C1orf94: variants seen among roughly 807,000 people sequenced by gnomAD.
C1orf94 encodes the protein uncharacterized protein C1orf94.
Under a neutral mutation model 53.6 loss-of-function variants are expected in C1orf94, and 45 were observed. That is an observed-to-expected ratio of 0.84 (90% CI 0.66 to 1.08). The LOEUF is 1.08. Among genes scored for constraint, C1orf94 ranks in the 50% least tolerant of loss-of-function variants. The pLI, the probability that C1orf94 is intolerant of heterozygous loss-of-function variation, is 0.00. For synonymous variants in C1orf94, 304 were observed against 296.1 expected (o/e 1.03, Z -0.27); for missense variants, 762 against 738.9 (o/e 1.03, Z -0.36).
In C1orf94 at chr1:34,203,197, G is replaced by A. The variant is rs1438173873; in HGVS notation, c.1446+938G>A. 2.0e-5 allele frequency among the ~76,000 whole-genome samples: 3 copies of A among 152,164 alleles called. No individual in the cohort carries two copies. In the East Asian group the frequency reaches 5.8e-4, roughly 29 times the overall value. Reference sequence around the variant, plus strand: ...CTATCGCCCAGGCTGGAGTGCAGTGGCATGACCTTGGCTCACTGCAACCTC... The same window carrying A: ...CTATCGCCCAGGCTGGAGTGCAGTGACATGACCTTGGCTCACTGCAACCTC... On this transcript the variant is annotated intron_variant, in intron 4 of 6. Coordinates refer to ENST00000488417, the MANE Select transcript of C1orf94 (RefSeq NM_001134734.2).
chr1:34,178,013 G>A lies in C1orf94; in HGVS notation c.224G>A (p.Gly75Asp). The A allele has an allele frequency of 6.4e-7, 1 of 1,551,716 alleles. No individual in the cohort carries two copies. The highest frequency in any genetic ancestry group is 8.7e-7 in the Non-Finnish European group (1 of 1,147,000). Residue 75 changes from glycine (G) to aspartate (D), a missense_variant, in exon 1 of 7, where the codon GGC becomes GAC. Physicochemically the swap from Gly to Asp is moderately conservative, Grantham distance 94. Coordinates refer to ENST00000488417, the MANE Select transcript of C1orf94 (RefSeq NM_001134734.2). ...CATGAAATCTGGAAGAGAGTTCAAG[G>A]CCTGCCTGAGGCCTCACAGCCCTGG... ...TCHEIWKRVQ[G>D]LPEASQPWTS...
At chr1:34,198,376 C>T (rs1642639636) in intron 2 of C1orf94, among the ~76,000 whole-genome samples, 1 of 152,220 alleles carries the variant, frequency 6.6e-6, no homozygotes. Context: ...GGTCCTCCCT[C>T]TCTGGGGTAT....
At chr1:34,214,265 G>A (rs372451492) in intron 6 of C1orf94, among the ~76,000 whole-genome samples, 5 of 152,334 alleles carry the variant, frequency 3.3e-5, no homozygotes, top group South Asian at 2.1e-4. Context: ...GAGGCCTGGG[G>A]AATAAAGGAG....
At chr1:34,191,098 G>A (rs750415875) in intron 1 of C1orf94, among the ~76,000 whole-genome samples, 7 of 152,162 alleles carry the variant, frequency 4.6e-5, no homozygotes, top group Non-Finnish European at 7.3e-5. Flanking sequence ...AAGAGAAATA[G>A]GAAACTAAGC....
chr1:34,209,103 A>G (rs765089506), intron 5 of C1orf94, among the ~76,000 whole-genome samples: 7 of 152,262 alleles, frequency 4.6e-5, no homozygotes, highest in Non-Finnish European at 8.8e-5. Context: ...GGTGTCCTGT[A>G]TTTTTATTTG....
chr1:34,215,063 A>G (rs975307073), intron 6 of C1orf94, among the ~76,000 whole-genome samples: 7 of 152,210 alleles, frequency 4.6e-5, no homozygotes, highest in Admixed American at 3.3e-4. Flanking sequence ...AGAAGGAGAA[A>G]TGGACAATAA....
chr1:34,173,192 C>T (rs1642174315), upstream of C1orf94, among the ~76,000 whole-genome samples: 1 of 152,172 alleles, frequency 6.6e-6, no homozygotes, highest in African/African-American at 2.4e-5. Flanking sequence ...CTCGAGTAGG[C>T]ACTAAGATTG....
intron 1 of C1orf94, among the ~76,000 whole-genome samples, chr1:34,196,573 C>T (rs1437960883): frequency 6.6e-6 from 1 of 152,162 alleles, no homozygotes; most frequent in African/African-American, 2.4e-5. Flanking sequence ...ACCTTTGAAT[C>T]GCCCTTACTC....
intron 4 of C1orf94, among the ~76,000 whole-genome samples, chr1:34,207,144 T>A (rs1263041905): frequency 6.6e-6 from 1 of 152,138 alleles, no homozygotes; most frequent in Non-Finnish European, 1.5e-5. Context: ...TGAGAAGATG[T>A]CCTGGGCTGA....
intron 1 of C1orf94, among the ~76,000 whole-genome samples, chr1:34,184,545 A>AT (rs1466349397): frequency 6.6e-6 from 1 of 152,204 alleles, no homozygotes; most frequent in Admixed American, 6.5e-5. Context: ...CTGTTTAAGC[A>AT]TTTTTTGAAA....
chr1:34,187,780 C>CCCT (rs1553129283), intron 1 of C1orf94, among the ~76,000 whole-genome samples: 1 of 49,662 alleles, frequency 2.0e-5, no homozygotes. Flanking sequence ...CCCCCCCCCC[C>CCCT]CCGCCGCCCC....
chr1:34,169,662 C>T (rs1224056653), intron 1 of C1orf94, among the ~76,000 whole-genome samples: 3 of 141,624 alleles, frequency 2.1e-5, no homozygotes, highest in Non-Finnish European at 3.1e-5. Context: ...TCTAGCAATG[C>T]GAGGGCAGAA....
chr1:34,212,407 G>A lies in C1orf94; in HGVS notation c.1721+1G>A, dbSNP rs755277006. 6.2e-7 allele frequency: 1 copy of A among 1,609,498 alleles called. No individual in the cohort carries two copies. The highest frequency in any genetic ancestry group is 8.5e-7 in the Non-Finnish European group (1 of 1,177,702). On this transcript the variant is annotated splice_donor_variant, in intron 6 of 6. Transcript: ENST00000488417. LOFTEE classifies it high-confidence loss of function. ...AGTACCTCTTTCCCCAAGGATATGG[G>A]TGAGTCAGCCCACACTGGGAGCCTA...
At chr1:34,201,132 T>A (rs1338622941) in intron 3 of C1orf94, 100 bp downstream of exon 3, 1 of 1,465,832 alleles carries the variant, frequency 6.8e-7, no homozygotes, top group East Asian at 2.5e-5. Flanking sequence ...TCTTATCTAC[T>A]GCCTTTCTAG....
At chr1:34,202,861 C>G (rs1311440833) in intron 4 of C1orf94, among the ~76,000 whole-genome samples, 1 of 151,986 alleles carries the variant, frequency 6.6e-6, no homozygotes, top group Non-Finnish European at 1.5e-5. Flanking sequence ...TGGATGGAAA[C>G]TACTTGAAGA....
intron 3 of C1orf94, 32 bp downstream of exon 3, chr1:34,201,064 G>A: frequency 7.1e-6 from 11 of 1,557,282 alleles, no homozygotes; most frequent in Non-Finnish European, 9.6e-6. Context: ...GGGATTGGAG[G>A]GGAGGGGGTT....
intron 1 of C1orf94, among the ~76,000 whole-genome samples, chr1:34,169,638 A>AGAGAGAGC (rs1305023423): frequency 2.0e-5 from 3 of 148,340 alleles, no homozygotes; most frequent in Non-Finnish European, 3.0e-5. Context: ...AGAGAGAGTG[A>AGAGAGAGC]GCAAATGGGA....
At chr1:34,181,952 G>C (rs886398517) in intron 1 of C1orf94, among the ~76,000 whole-genome samples, 1 of 152,182 alleles carries the variant, frequency 6.6e-6, no homozygotes, top group Admixed American at 6.5e-5. Flanking sequence ...CCAACACTTT[G>C]GGAGGCTGAG....
At chr1:34,190,912 A>C (rs890933727) in intron 1 of C1orf94, among the ~76,000 whole-genome samples, 13 of 152,150 alleles carry the variant, frequency 8.5e-5, no homozygotes, top group Non-Finnish European at 1.8e-4. Flanking sequence ...CAGTTTGGCA[A>C]TTTGGGTTGG....
Sources: gnomAD v4.1 joint callset for allele counts (sites outside exome capture counted in the v4.1 genomes callset) on GRCh38, gnomAD v4.1.1 for gene constraint, MANE v1.5 for transcripts, NCBI Gene and HGNC (gene_info 2026-07-23, HGNC 2026-07-21) for gene names.